Variants in RASGRF2 observed in about 807,000 individuals in gnomAD.
RASGRF2 encodes Ras protein specific guanine nucleotide releasing factor 2.
RASGRF2 carries 76 observed loss-of-function variants against 151.0 expected under a neutral mutation model. The observed-to-expected ratio is 0.50, with a 90% CI of 0.42 to 0.61. RASGRF2 has a LOEUF of 0.61. Among genes scored for constraint, RASGRF2 ranks in the 20% least tolerant of loss-of-function variants. The probability of loss-of-function intolerance (pLI) is 0.00; values close to 1 mark genes in which losing one functional copy is unlikely to be tolerated. For synonymous variants in RASGRF2, 504 were observed against 566.5 expected (o/e 0.89, Z 1.57); for missense variants, 1,148 against 1,564.6 (o/e 0.73, Z 4.49).
At chr5:81,138,440 C>T (rs1481190806) in intron 17 of RASGRF2, among the ~76,000 whole-genome samples, 1 of 152,140 alleles carries the variant, frequency 6.6e-6, no homozygotes, top group South Asian at 2.1e-4. Context: ...TTAGGCAAAG[C>T]CTTTTTCCCT....
intron 1 of RASGRF2, among the ~76,000 whole-genome samples, chr5:80,975,817 A>G (rs1748092514): frequency 1.4e-5 from 2 of 147,662 alleles, no homozygotes; most frequent in Non-Finnish European, 1.5e-5. Flanking sequence ...TCTATTGTAT[A>G]TTTTAGTTGA....
chr5:81,004,989 C>T (rs1200757064), intron 1 of RASGRF2, among the ~76,000 whole-genome samples: 3 of 152,180 alleles, frequency 2.0e-5, no homozygotes, highest in African/African-American at 7.2e-5. Flanking sequence ...AAAAAAGAAA[C>T]CCCTCAGCCC....
rs149833132 is a variant in RASGRF2 at position 81,042,514 on chromosome 5, C to T, written c.289-363C>T. On this transcript the variant is annotated intron_variant, in intron 1 of 26. Transcript: ENST00000265080. ...GCTAGTGCAGTGATGTAGACTTCTG[C>T]GTTCCTGCAGCTTTATCACACCACA... Among the ~76,000 whole-genome samples, 40 of 152,310 alleles carry T rather than the reference C, an allele frequency of 2.6e-4. No individual in the cohort carries two copies. The East Asian group carries it at 4.0e-3, about 15-fold the overall frequency.
chr5:81,102,287 A>T (rs1752717553), intron 12 of RASGRF2, among the ~76,000 whole-genome samples: 1 of 152,254 alleles, frequency 6.6e-6, no homozygotes, highest in African/African-American at 2.4e-5. Context: ...GGGCATTGAA[A>T]GGGTGTTCTC....
intron 5 of RASGRF2, 123 bp from the exon 6 acceptor site, chr5:81,079,998 A>G (rs1752041297): frequency 8.1e-7 from 1 of 1,235,636 alleles, no homozygotes; most frequent in Non-Finnish European, 1.1e-6. Flanking sequence ...ATTATTGGGT[A>G]TAGTTTGGAG....
chr5:81,029,988 G>A (rs1441197487), intron 1 of RASGRF2, among the ~76,000 whole-genome samples: 3 of 152,150 alleles, frequency 2.0e-5, no homozygotes, highest in East Asian at 1.9e-4. Context: ...ACCATGGCAC[G>A]AGAACTATGT....
intron 2 of RASGRF2, among the ~76,000 whole-genome samples, chr5:81,064,984 A>G (rs1194688362): frequency 6.6e-6 from 1 of 152,178 alleles, no homozygotes; most frequent in African/African-American, 2.4e-5. Flanking sequence ...CAGGTGAGAA[A>G]TGTTCTCCCA....
At chr5:81,095,827 T>G (rs1273588807) in intron 12 of RASGRF2, among the ~76,000 whole-genome samples, 2 of 152,210 alleles carry the variant, frequency 1.3e-5, no homozygotes, top group South Asian at 4.1e-4. Flanking sequence ...ATTTGGAACT[T>G]AATTCTTTTT....
At chr5:81,130,243 T>C (rs1049350261) in intron 17 of RASGRF2, among the ~76,000 whole-genome samples, 3 of 152,218 alleles carry the variant, frequency 2.0e-5, no homozygotes, top group African/African-American at 7.2e-5. Flanking sequence ...GAACCCTGTG[T>C]GAGCAGACTG....
Position 81,219,773 on chromosome 5 carries a change from C to T in RASGRF2, c.3616C>T (p.Pro1206Ser). 2 of 1,598,620 alleles carry T rather than the reference C, an allele frequency of 1.3e-6. No individual in the cohort carries two copies. Among genetic ancestry groups the T allele is most frequent in the South Asian group, 1.1e-5 (1 of 90,584 alleles). Residue 1206 changes from proline (P) to serine (S), a missense_variant, in exon 26 of 27, where the codon CCA becomes TCA. Physicochemically the swap from Pro to Ser is moderately conservative, Grantham distance 74 (BLOSUM62 -1). Around this residue, in one of 5 missense-constraint regions of RASGRF2, gnomAD observed 100 missense variants for 148.2 expected, o/e 0.67. Transcript: ENST00000265080. ...QQTSYRIDHQ[P>S]KVAQYLLDKD... Reference sequence around the variant, plus strand: ...GACTTCCTACAGAATAGATCATCAGCCAAAGGTAATATTATGTGGCTGTGA... The same window carrying T: ...GACTTCCTACAGAATAGATCATCAGTCAAAGGTAATATTATGTGGCTGTGA...
At chr5:81,057,778 T>G (rs1249081748) in intron 2 of RASGRF2, among the ~76,000 whole-genome samples, 1 of 152,038 alleles carries the variant, frequency 6.6e-6, no homozygotes, top group African/African-American at 2.4e-5. Flanking sequence ...GTGGATCACT[T>G]GAGCTCAGGA....
At chr5:81,168,534 C>T (rs1189923718) in intron 17 of RASGRF2, among the ~76,000 whole-genome samples, 1 of 152,090 alleles carries the variant, frequency 6.6e-6, no homozygotes, top group Non-Finnish European at 1.5e-5. Context: ...TGGTCTCGAA[C>T]TCCTGACCTC....
intron 17 of RASGRF2, among the ~76,000 whole-genome samples, chr5:81,157,247 G>A (rs1754281550): frequency 6.6e-6 from 1 of 151,462 alleles, no homozygotes; most frequent in African/African-American, 2.4e-5. Flanking sequence ...CCAGCTACTC[G>A]GAGAGGCTGA....
Position 81,180,502 on chromosome 5 carries a change from T to C in RASGRF2, c.2793+221T>C, listed in dbSNP as rs144473584. On this transcript the variant is annotated intron_variant, in intron 18 of 26. Transcript: ENST00000265080. ...CAGATCTGCAAATGACGTGACACAG[T>C]GAAACGGGGCTCCTCTGTCCCTGCA... Among the ~76,000 whole-genome samples, 385 of 152,096 alleles carry C rather than the reference T, an allele frequency of 2.5e-3. 1 individual carries two copies. The highest frequency in any genetic ancestry group is 9.1e-3 in the African/African-American group (377 of 41,488).
intron 17 of RASGRF2, among the ~76,000 whole-genome samples, chr5:81,149,799 C>A (rs544083845): frequency 6.6e-6 from 1 of 152,124 alleles, no homozygotes; most frequent in African/African-American, 2.4e-5. Context: ...TTTAAAGTAT[C>A]TAATTCAGTG....
intron 7 of RASGRF2, among the ~76,000 whole-genome samples, chr5:81,084,195 T>C (rs1287927850): frequency 3.3e-5 from 5 of 152,212 alleles, no homozygotes; most frequent in Non-Finnish European, 2.9e-5. Context: ...CTCAGTTTTG[T>C]GGATTTTCAG....
chr5:81,116,483 G>C (rs1289858551), intron 15 of RASGRF2, among the ~76,000 whole-genome samples: 1 of 152,184 alleles, frequency 6.6e-6, no homozygotes, highest in African/African-American at 2.4e-5. Context: ...AGCAGACCTT[G>C]TTAGTAGTCC....
intron 23 of RASGRF2, 57 bp from the exon 24 acceptor site, chr5:81,215,819 A>G: frequency 6.9e-7 from 1 of 1,445,638 alleles, no homozygotes; most frequent in Admixed American, 2.9e-5. Context: ...TTGGCAATTC[A>G]CTGTCTTTTT....
Position 81,092,781 on chromosome 5 carries a change from T to C in RASGRF2, c.1391-20T>C. 2 of 1,603,766 alleles carry C rather than the reference T, an allele frequency of 1.2e-6. No individual in the cohort carries two copies. Among genetic ancestry groups the C allele is most frequent in the South Asian group, 1.1e-5 (1 of 89,724 alleles). ...ACAGAATTTTAATTGCTGTGTATTCTTCATTTTTGTAATCACCAGGTTCTC... is the reference window on the plus strand; with the variant it reads ...ACAGAATTTTAATTGCTGTGTATTCCTCATTTTTGTAATCACCAGGTTCTC... On this transcript the variant is annotated intron_variant, in intron 9 of 26. Coordinates refer to ENST00000265080, the MANE Select transcript of RASGRF2 (RefSeq NM_006909.3).
Sources: allele counts gnomAD v4.1 joint callset (sites outside exome capture counted in the v4.1 genomes callset), GRCh38; gene constraint gnomAD v4.1.1; regional missense constraint gnomAD v4.1.1; transcripts MANE v1.5; gene names NCBI Gene and HGNC (gene_info 2026-07-23, HGNC 2026-07-21).